Variants in GRK5 observed in about 807,000 individuals in gnomAD.
GRK5 encodes the protein G protein-coupled receptor kinase 5.
A neutral mutation model predicts 78.4 loss-of-function variants in GRK5; 40 were observed. That is an observed-to-expected ratio of 0.51 (90% CI 0.40 to 0.66). The LOEUF (loss-of-function observed/expected upper bound fraction) is 0.66, where lower values mean the gene tolerates loss of function less well. Among genes scored for constraint, GRK5 ranks in the 30% least tolerant of loss-of-function variants. GRK5 has a pLI of 0.00. For missense variants in GRK5, 598 were observed against 759.9 expected (o/e 0.79, Z 2.50); for synonymous variants, 289 against 296.8 (o/e 0.97, Z 0.27).
At chr10:119,410,038 C>T (rs1383555144) in intron 4 of GRK5, among the ~76,000 whole-genome samples, 2 of 152,254 alleles carry the variant, frequency 1.3e-5, no homozygotes, top group African/African-American at 4.8e-5. Context: ...CGCCGGGTCC[C>T]GCGAGCCCCC....
intron 1 of GRK5, among the ~76,000 whole-genome samples, chr10:119,218,441 C>G (rs372359240): frequency 6.6e-6 from 1 of 152,184 alleles, no homozygotes; most frequent in Non-Finnish European, 1.5e-5. Context: ...GAATTCCATC[C>G]TGGCATGGGT....
At chr10:119,390,363 GAGCGTGTGC>G (rs1851869475) in intron 3 of GRK5, among the ~76,000 whole-genome samples, 3 of 152,192 alleles carry the variant, frequency 2.0e-5, no homozygotes, top group Admixed American at 6.5e-5. Context: ...CAAGAGAAGA[GAGCGTGTGC>G]AGCAGAACTG....
At chr10:119,226,498 T>G (rs1230378761) in intron 1 of GRK5, among the ~76,000 whole-genome samples, 1 of 151,278 alleles carries the variant, frequency 6.6e-6, no homozygotes, top group Non-Finnish European at 1.5e-5. Context: ...GTCCTAGCTT[T>G]GTTGCTAACC....
intron 1 of GRK5, among the ~76,000 whole-genome samples, chr10:119,259,920 A>G (rs977399422): frequency 7.9e-5 from 12 of 152,328 alleles, no homozygotes; most frequent in African/African-American, 2.9e-4. Context: ...ATTCACGAAC[A>G]GCTTTTTCTA....
chr10:119,329,165 A>G (rs970976883), intron 2 of GRK5, among the ~76,000 whole-genome samples: 1 of 152,238 alleles, frequency 6.6e-6, no homozygotes, highest in Admixed American at 6.5e-5. Flanking sequence ...CTGAGCATTC[A>G]TGTATCTGCC....
At chr10:119,225,433 G>A (rs1848719069) in intron 1 of GRK5, among the ~76,000 whole-genome samples, 1 of 151,986 alleles carries the variant, frequency 6.6e-6, no homozygotes. Context: ...GAGAGTGATA[G>A]GTATTACCTA....
At chr10:119,312,995 A>AATGATGATGGTGGTGGTG (rs1850393019) in intron 1 of GRK5, among the ~76,000 whole-genome samples, 1 of 122,818 alleles carries the variant, frequency 8.1e-6, no homozygotes, top group African/African-American at 2.8e-5. Flanking sequence ...TGGTGGTGGT[A>AATGATGATGGTGGTGGTG]ATGGTGGTCG....
At chr10:119,392,496 G>A (rs1163867494) in intron 3 of GRK5, among the ~76,000 whole-genome samples, 3 of 152,136 alleles carry the variant, frequency 2.0e-5, no homozygotes, top group East Asian at 1.9e-4. Context: ...TCTGCCTCCC[G>A]AGTTCAATCG....
intron 1 of GRK5, among the ~76,000 whole-genome samples, chr10:119,220,608 G>A (rs755098372): frequency 6.6e-6 from 1 of 152,052 alleles, no homozygotes; most frequent in Non-Finnish European, 1.5e-5. Flanking sequence ...GCCAAGGTGG[G>A]TGGATCACCT....
intron 10 of GRK5, among the ~76,000 whole-genome samples, chr10:119,440,074 A>G (rs1853002833): frequency 6.6e-6 from 1 of 152,220 alleles, no homozygotes; most frequent in Non-Finnish European, 1.5e-5. Context: ...CAAGGAGTCC[A>G]GAATTTCAGA....
chr10:119,225,404 G>C (rs185547261), intron 1 of GRK5, among the ~76,000 whole-genome samples: 1 of 152,190 alleles, frequency 6.6e-6, no homozygotes, highest in Non-Finnish European at 1.5e-5. Flanking sequence ...TGGACTTCAA[G>C]ACATCCCACA....
At chr10:119,299,894 T>C (rs1850146360) in intron 1 of GRK5, among the ~76,000 whole-genome samples, 1 of 152,158 alleles carries the variant, frequency 6.6e-6, no homozygotes, top group South Asian at 2.1e-4. Flanking sequence ...ACATGTGCCA[T>C]GTTGGTGTGC....
chr10:119,241,528 A>T (rs1251521099), intron 1 of GRK5, among the ~76,000 whole-genome samples: 1 of 152,250 alleles, frequency 6.6e-6, no homozygotes, highest in Non-Finnish European at 1.5e-5. Flanking sequence ...TGAAGCTGGC[A>T]TAGCTGTGGA....
intron 1 of GRK5, among the ~76,000 whole-genome samples, chr10:119,278,695 G>A (rs979625583): frequency 4.6e-5 from 7 of 152,072 alleles, no homozygotes; most frequent in African/African-American, 1.2e-4. Flanking sequence ...CATTTGCTGG[G>A]GGCTTTAACA....
intron 2 of GRK5, among the ~76,000 whole-genome samples, chr10:119,364,049 C>G (rs569012039): frequency 6.6e-6 from 1 of 152,348 alleles, no homozygotes; most frequent in South Asian, 2.1e-4. Flanking sequence ...GGAGCTAGAC[C>G]AAGATCCTTG....
At chr10:119,355,479 C>A (rs1401126158) in intron 2 of GRK5, among the ~76,000 whole-genome samples, 1 of 152,138 alleles carries the variant, frequency 6.6e-6, no homozygotes, top group Non-Finnish European at 1.5e-5. Flanking sequence ...AAGGTATAAC[C>A]CACATAAATA....
chr10:119,394,016 C>T (rs1219107098), intron 3 of GRK5, among the ~76,000 whole-genome samples: 1 of 114,260 alleles, frequency 8.8e-6, no homozygotes, highest in East Asian at 2.6e-4. Context: ...TGGGGGGGTG[C>T]GGGTGTGTTT....
intron 2 of GRK5, among the ~76,000 whole-genome samples, chr10:119,338,759 G>A (rs1227383975): frequency 6.6e-6 from 1 of 151,998 alleles, no homozygotes; most frequent in Non-Finnish European, 1.5e-5. Context: ...ACTTCCTGTT[G>A]GTGAATTCTT....
At chr10:119,453,085 T>C (rs12721553) in intron 14 of GRK5, 60 bp from the exon 15 acceptor site, 31,496 of 1,117,424 alleles carry the variant, frequency 0.028, 2,865 homozygotes, top group African/African-American at 0.28. Flanking sequence ...GTGGCTTTGC[T>C]GCTGGGCTTC....
Sources: allele counts gnomAD v4.1 joint callset (sites outside exome capture counted in the v4.1 genomes callset), GRCh38; gene constraint gnomAD v4.1.1; transcripts MANE v1.5; gene names NCBI Gene and HGNC (gene_info 2026-07-23, HGNC 2026-07-21).